ABCA12: variants seen among roughly 807,000 people sequenced by gnomAD.
ABCA12 encodes glucosylceramide transporter ABCA12.
ABCA12 carries 156 observed loss-of-function variants against 293.5 expected under a neutral mutation model. That is an observed-to-expected ratio of 0.53 (90% CI 0.47 to 0.61). The LOEUF (loss-of-function observed/expected upper bound fraction) is 0.61, where lower values mean the gene tolerates loss of function less well. Among genes scored for constraint, ABCA12 ranks in the 20% least tolerant of loss-of-function variants. The pLI, the probability that ABCA12 is intolerant of heterozygous loss-of-function variation, is 0.00. For synonymous variants in ABCA12, 1,063 were observed against 1,108.0 expected (o/e 0.96, Z 0.81); for missense variants, 2,797 against 3,090.2 (o/e 0.91, Z 2.25).
chr2:215,107,223 G>A (rs1009646488), intron 2 of ABCA12, among the ~76,000 whole-genome samples: 3 of 152,120 alleles, frequency 2.0e-5, no homozygotes, highest in African/African-American at 4.8e-5. Context: ...ACATTCATGG[G>A]TATGTGTGTA....
At chr2:214,998,436 G>A (rs556137203) in intron 22 of ABCA12, among the ~76,000 whole-genome samples, 4 of 152,284 alleles carry the variant, frequency 2.6e-5, no homozygotes, top group Non-Finnish European at 4.4e-5. Context: ...GGGATTACAG[G>A]CATGAGTCAC....
chr2:214,978,669 G>A (rs576456599), intron 32 of ABCA12, 135 bp downstream of exon 32: 10 of 1,107,828 alleles, frequency 9.0e-6, no homozygotes, highest in African/African-American at 3.2e-5. Flanking sequence ...CATAAGAATA[G>A]TACTGAAAAA....
At chr2:214,933,172 G>A (rs1195976442) in intron 52 of ABCA12, among the ~76,000 whole-genome samples, 7 of 152,072 alleles carry the variant, frequency 4.6e-5, no homozygotes, top group Admixed American at 4.6e-4. Context: ...AATGCATTAA[G>A]ATAAAATTTG....
chr2:214,947,090 G>A (rs1574930466), intron 48 of ABCA12, among the ~76,000 whole-genome samples: 1 of 152,206 alleles, frequency 6.6e-6, no homozygotes, highest in East Asian at 1.9e-4. Flanking sequence ...CAATAGGTGG[G>A]AATCAGATGC....
In ABCA12 at chr2:215,011,744, T is replaced by C. The variant is rs1029392687; in HGVS notation, c.2122-95A>G. On this transcript the variant is annotated intron_variant, in intron 16 of 52. Coordinates refer to ENST00000272895, the MANE Select transcript of ABCA12 (RefSeq NM_173076.3). ...AGAGAACCTGATAATACTTAGAGTA[T>C]CCTTACAGTTTCCATAATTCCTTTT... 18 of 1,238,950 alleles carry C rather than the reference T, an allele frequency of 1.5e-5. 1 individual carries two copies. The highest frequency in any genetic ancestry group is 7.1e-6 in the Non-Finnish European group (6 of 842,572). 76.7% of individuals were successfully genotyped at this position (1,238,950 alleles called of 1,614,324 possible).
intron 6 of ABCA12, among the ~76,000 whole-genome samples, chr2:215,046,519 GTATA>G (rs59157531): frequency 6.8e-6 from 1 of 146,812 alleles, no homozygotes; most frequent in Non-Finnish European, 1.5e-5. Flanking sequence ...GTGTGTGTGT[GTATA>G]TATATATATA....
At chr2:215,020,272 C>G (rs1700599043) in intron 11 of ABCA12, among the ~76,000 whole-genome samples, 1 of 135,410 alleles carries the variant, frequency 7.4e-6, no homozygotes, top group Admixed American at 7.8e-5. Context: ...AACCCTTGTG[C>G]ACTGTTGGTG....
chr2:214,978,171 A>C lies in ABCA12; in HGVS notation c.5128+145T>G, dbSNP rs377550192. The C allele has an allele frequency of 6.4e-5, 60 of 936,948 alleles. No individual in the cohort carries two copies. The East Asian group carries it at 7.4e-4, about 11-fold the overall frequency. The allele number at this position is 936,948 out of a possible 1,614,324, so 58.0% of individuals were successfully genotyped here. ...GTTTAATGAATATTTTATATCTTAA[A>C]AAAGGAGGCTTAAATTTCCTTAGTG... On this transcript the variant is annotated intron_variant, in intron 33 of 52. Transcript: ENST00000272895.
At chr2:215,017,176 T>G (rs1354137964) in intron 14 of ABCA12, among the ~76,000 whole-genome samples, 1 of 152,220 alleles carries the variant, frequency 6.6e-6, no homozygotes, top group African/African-American at 2.4e-5. Context: ...TTTTAGAAAC[T>G]ATCCAATATT....
At chr2:214,987,859 A>G (rs1699821701) in intron 26 of ABCA12, 66 bp from the exon 27 acceptor site, 1 of 1,564,930 alleles carries the variant, frequency 6.4e-7, no homozygotes, top group Admixed American at 1.8e-5. Context: ...ATCAGAAACA[A>G]AACAGTAGAT....
At chr2:215,133,149 ATTTTTTTTTTTTTTTTTTTTTTTTTT>A (rs55641331) in intron 1 of ABCA12, among the ~76,000 whole-genome samples, 11 of 34,882 alleles carry the variant, frequency 3.2e-4, no homozygotes, top group South Asian at 1.7e-3. Flanking sequence ...GCTGGCTTTA[ATTTTTTTTTTTTTTTTTTTTTTTTTT>A]TTTTTTTTTT....
intron 23 of ABCA12, among the ~76,000 whole-genome samples, chr2:214,996,677 C>T (rs1574971381): frequency 6.6e-6 from 1 of 152,090 alleles, no homozygotes; most frequent in Non-Finnish European, 1.5e-5. Context: ...AACCAAAATT[C>T]AAACAGAAGA....
In ABCA12 at chr2:214,991,038, G is replaced by C. The variant is rs547462748; in HGVS notation, c.3295-7C>G. 2 of 1,613,222 alleles carry C rather than the reference G, an allele frequency of 1.2e-6. No homozygotes were observed. Among genetic ancestry groups the C allele is most frequent in the Admixed American group, 3.3e-5 (2 of 59,996 alleles). ...CACCCATCATCTTCATGTACTGTAA[G>C]AAGAAAAAATGTGAGGCGCTTGTTA... On this transcript the variant is annotated splice_region_variant and splice_polypyrimidine_tract_variant and intron_variant, in intron 23 of 52. Coordinates refer to ENST00000272895, the MANE Select transcript of ABCA12 (RefSeq NM_173076.3).
chr2:215,028,657 A>G (rs1230331042), intron 9 of ABCA12, among the ~76,000 whole-genome samples: 1 of 152,256 alleles, frequency 6.6e-6, no homozygotes. Context: ...TAAACTATCT[A>G]TTAGGGAAAT....
chr2:215,110,149 GT>G (rs1702541865), intron 2 of ABCA12, among the ~76,000 whole-genome samples: 3 of 152,268 alleles, frequency 2.0e-5, no homozygotes, highest in South Asian at 4.1e-4. Flanking sequence ...AAATTATGCT[GT>G]TTTTATGAAC....
At chr2:214,945,174 C>T in intron 48 of ABCA12, 70 bp from the exon 49 acceptor site, 1 of 1,179,110 alleles carries the variant, frequency 8.5e-7, no homozygotes. Context: ...TCATGAATTA[C>T]TGCATTTCAC....
intron 29 of ABCA12, among the ~76,000 whole-genome samples, chr2:214,983,418 G>A (rs1474552998): frequency 1.3e-5 from 2 of 152,134 alleles, no homozygotes; most frequent in African/African-American, 2.4e-5. Context: ...AGGATTCGGG[G>A]CAATATGGGA....
At chr2:215,121,482 T>C (rs559460548) in intron 1 of ABCA12, among the ~76,000 whole-genome samples, 130 of 152,334 alleles carry the variant, frequency 8.5e-4, no homozygotes, top group Non-Finnish European at 1.5e-3. Context: ...GGTTATTTGA[T>C]GGTAACAAGA....
intron 2 of ABCA12, among the ~76,000 whole-genome samples, chr2:215,071,812 C>T (rs1405925784): frequency 6.6e-6 from 1 of 152,222 alleles, no homozygotes; most frequent in African/African-American, 2.4e-5. Flanking sequence ...GGCTTCTCTG[C>T]TCGACCTGGT....
Sources: allele counts gnomAD v4.1 joint callset (sites outside exome capture counted in the v4.1 genomes callset), GRCh38; gene constraint gnomAD v4.1.1; transcripts MANE v1.5; gene names NCBI Gene and HGNC (gene_info 2026-07-23, HGNC 2026-07-21).